The following DTNA variants were observed in gnomAD, a reference collection of about 807,000 sequenced individuals.
DTNA encodes dystrobrevin alpha, also known as dystrophin-related protein 3.
DTNA carries 43 observed loss-of-function variants against 100.7 expected under a neutral mutation model. The observed-to-expected ratio is 0.43, with a 90% CI of 0.33 to 0.55. The LOEUF (loss-of-function observed/expected upper bound fraction) is 0.55, where lower values mean the gene tolerates loss of function less well. DTNA is among the 20% of genes least tolerant of loss of function. The pLI is 0.04. For missense variants in DTNA, 798 were observed against 953.9 expected, an observed-to-expected ratio of 0.84 and a Z score of 2.15; for synonymous variants, 349 against 347.9, an observed-to-expected ratio of 1.00 and a Z score of -0.04.
intron 4 of DTNA, among the ~76,000 whole-genome samples, chr18:34,796,190 T>C (rs2094961229): frequency 6.6e-6 from 1 of 152,224 alleles, no homozygotes; most frequent in Non-Finnish European, 1.5e-5. Context: ...CACTTCTGCG[T>C]TTGCTCCTTC....
chr18:34,879,632 C>G lies in DTNA; in HGVS notation c.2075C>G (p.Ser692Cys). 1.4e-5 allele frequency: 22 copies of G among 1,614,082 alleles called. No homozygotes were observed. The highest frequency in any genetic ancestry group is 1.9e-5 in the Non-Finnish European group (22 of 1,179,998). Residue 692 changes from serine (S) to cysteine (C), a missense_variant, in exon 20 of 23, where the codon TCT becomes TGT. Transcript: ENST00000444659. Reference protein sequence around the residue: ...QFEDLVPSPTSEKAFLAQIHA... With the variant: ...QFEDLVPSPTCEKAFLAQIHA... ...GAGGATCTTGTTCCCTCACCAACCT[C>G]TGAAAAGGCTTTTCTAGCGCAAATC...
chr18:34,818,478 A>T, intron 8 of DTNA, 148 bp downstream of exon 8: 1 of 1,528,084 alleles, frequency 6.5e-7, no homozygotes, highest in Non-Finnish European at 8.8e-7. Flanking sequence ...CCCACTCTCC[A>T]CCCTACTGCG....
chr18:34,874,727 C>T (rs1461592459), intron 17 of DTNA, among the ~76,000 whole-genome samples: 1 of 152,176 alleles, frequency 6.6e-6, no homozygotes, highest in Non-Finnish European at 1.5e-5. Flanking sequence ...ACAATTTACA[C>T]TTCATTTGAT....
intron 4 of DTNA, among the ~76,000 whole-genome samples, chr18:34,803,969 C>T (rs1372537070): frequency 6.6e-6 from 1 of 152,176 alleles, no homozygotes; most frequent in Non-Finnish European, 1.5e-5. Context: ...ATTCAGAAAA[C>T]ATCATCTCTG....
At chr18:34,592,095 C>T (rs939305059) in intron 1 of DTNA, among the ~76,000 whole-genome samples, 2 of 152,134 alleles carry the variant, frequency 1.3e-5, no homozygotes, top group African/African-American at 4.8e-5. Context: ...ACACCACCAC[C>T]CTGAGCCCAG....
chr18:34,538,184 A>G (rs188079587), intron 1 of DTNA, among the ~76,000 whole-genome samples: 173 of 152,192 alleles, frequency 1.1e-3, no homozygotes, highest in African/African-American at 4.0e-3. Context: ...GCTAACAAAA[A>G]GAGAGCAGTT....
intron 1 of DTNA, among the ~76,000 whole-genome samples, chr18:34,574,701 A>C (rs2047944964): frequency 6.6e-6 from 1 of 152,188 alleles, no homozygotes; most frequent in South Asian, 2.1e-4. Flanking sequence ...ATGTGATCAT[A>C]GCTCAAGGCA....
intron 3 of DTNA, among the ~76,000 whole-genome samples, chr18:34,786,927 A>G (rs2094529389): frequency 6.6e-6 from 1 of 152,188 alleles, no homozygotes. Flanking sequence ...CTTGATGCCA[A>G]AGGACTGAGA....
chr18:34,851,652 G>A (rs986954727), intron 14 of DTNA, among the ~76,000 whole-genome samples, 179 bp from the exon 15 acceptor site: 1 of 152,304 alleles, frequency 6.6e-6, no homozygotes. Flanking sequence ...ATGTGCTCCA[G>A]ATCCACAGAA....
chr18:34,508,974 C>G (rs1456652329), intron 1 of DTNA, among the ~76,000 whole-genome samples: 1 of 152,082 alleles, frequency 6.6e-6, no homozygotes, highest in Non-Finnish European at 1.5e-5. Flanking sequence ...TACTTTCTAT[C>G]CTTTCACTGT....
At chr18:34,837,569 C>G (rs1189078656) in intron 11 of DTNA, among the ~76,000 whole-genome samples, 1 of 152,174 alleles carries the variant, frequency 6.6e-6, no homozygotes. Context: ...GTGTATTTCT[C>G]TGTTCCTCTG....
At chr18:34,503,903 T>C in intron 1 of DTNA, 1 of 152,448 alleles carries the variant, frequency 6.6e-6, no homozygotes, top group Non-Finnish European at 1.5e-5. Context: ...TGGTGCAATC[T>C]CAGCTCACTG....
At chr18:34,754,481 T>G (rs2092632647) in intron 1 of DTNA, among the ~76,000 whole-genome samples, 1 of 152,156 alleles carries the variant, frequency 6.6e-6, no homozygotes, top group Non-Finnish European at 1.5e-5. Context: ...TGTAGTGCAC[T>G]CAGAGGACAG....
chr18:34,651,673 C>T (rs932712411), intron 1 of DTNA, among the ~76,000 whole-genome samples: 4 of 152,122 alleles, frequency 2.6e-5, no homozygotes, highest in East Asian at 1.9e-4. Flanking sequence ...AATTTCATTA[C>T]GATGCAATGA....
chr18:34,787,620 C>T lies in DTNA; in HGVS notation c.149-6417C>T, dbSNP rs563198329. 2.1e-3 allele frequency among the ~76,000 whole-genome samples: 327 copies of T among 152,222 alleles called. 1 individual carries two copies. The highest frequency in any genetic ancestry group is 7.2e-3 in the African/African-American group (297 of 41,526). On this transcript the variant is annotated intron_variant, in intron 3 of 22. Transcript: ENST00000444659. ...CATTTTAGCACTTTTCCTACGGATG[C>T]TTGGATTTAAGTCATCTCTGTGAAT...
At chr18:34,673,839 C>T (rs544099991) in intron 1 of DTNA, among the ~76,000 whole-genome samples, 23 of 152,106 alleles carry the variant, frequency 1.5e-4, no homozygotes, top group Non-Finnish European at 2.9e-4. Context: ...CTTCTATTGA[C>T]GAAATATCAA....
intron 1 of DTNA, among the ~76,000 whole-genome samples, chr18:34,496,206 A>ACACACG (rs2039190411): frequency 9.1e-4 from 4 of 4,400 alleles, no homozygotes; most frequent in African/African-American, 8.9e-3. Context: ...CCTCCCTGCA[A>ACACACG]CACACACACA....
At chr18:34,672,205 G>A (rs970913687) in intron 1 of DTNA, among the ~76,000 whole-genome samples, 1 of 152,096 alleles carries the variant, frequency 6.6e-6, no homozygotes, top group Non-Finnish European at 1.5e-5. Flanking sequence ...ATTCATCACT[G>A]TGGGGTGGCA....
At chr18:34,560,647 T>A (rs945827537) in intron 1 of DTNA, among the ~76,000 whole-genome samples, 1 of 152,212 alleles carries the variant, frequency 6.6e-6, no homozygotes, top group Non-Finnish European at 1.5e-5. Context: ...GGCTCACTCC[T>A]GTAATCCCAG....
Sources: gnomAD v4.1 joint callset for allele counts (sites outside exome capture counted in the v4.1 genomes callset) on GRCh38, gnomAD v4.1.1 for gene constraint, MANE v1.5 for transcripts, NCBI Gene and HGNC (gene_info 2026-07-23, HGNC 2026-07-21) for gene names.